ALK: variants seen among roughly 807,000 people sequenced by gnomAD.
The protein encoded by ALK is ALK tyrosine kinase receptor.
A neutral mutation model predicts 163.1 loss-of-function variants in ALK; 74 were observed. That is an observed-to-expected ratio of 0.45 (90% CI 0.38 to 0.55). The LOEUF (loss-of-function observed/expected upper bound fraction) is 0.55. Among genes scored for constraint, ALK ranks in the 20% least tolerant of loss-of-function variants. ALK has a pLI of 0.00. For missense variants in ALK, 2,063 were observed against 2,105.3 expected (o/e 0.98, Z 0.39); for synonymous variants, 960 against 843.2 (o/e 1.14, Z -2.40).
At chr2:29,325,195 C>T (rs1667216122) in intron 6 of ALK, among the ~76,000 whole-genome samples, 1 of 152,086 alleles carries the variant, frequency 6.6e-6, no homozygotes, top group Admixed American at 6.5e-5. Context: ...CAGGAAGGTT[C>T]TTTAGAGGAC....
At chr2:29,493,430 C>T (rs2148126421) in intron 4 of ALK, among the ~76,000 whole-genome samples, 1 of 152,308 alleles carries the variant, frequency 6.6e-6, no homozygotes. Context: ...TGTCCCATAA[C>T]AGAATGAGCT....
chr2:29,558,894 G>C (rs907532782), intron 3 of ALK, among the ~76,000 whole-genome samples: 1 of 152,130 alleles, frequency 6.6e-6, no homozygotes, highest in Non-Finnish European at 1.5e-5. Flanking sequence ...AGGGACTATA[G>C]GGGTTTAGAA....
intron 7 of ALK, among the ~76,000 whole-genome samples, chr2:29,320,177 C>T (rs1358376156): frequency 1.3e-5 from 2 of 152,248 alleles, no homozygotes; most frequent in African/African-American, 4.8e-5. Flanking sequence ...CGTGGAGGCC[C>T]TTTGCTCTCT....
intron 4 of ALK, among the ~76,000 whole-genome samples, chr2:29,423,719 G>A (rs1670072788): frequency 6.6e-6 from 1 of 152,182 alleles, no homozygotes; most frequent in African/African-American, 2.4e-5. Flanking sequence ...AATTAAGAAG[G>A]GGTGAATAAC....
intron 1 of ALK, among the ~76,000 whole-genome samples, chr2:29,900,308 C>T (rs866249916): frequency 6.6e-6 from 1 of 151,928 alleles, no homozygotes; most frequent in Non-Finnish European, 1.5e-5. Flanking sequence ...AACAGGGAGC[C>T]CTGGACACTC....
chr2:29,413,692 C>T lies in ALK; in HGVS notation c.1155-29833G>A, dbSNP rs531877602. On this transcript the variant is annotated intron_variant, in intron 4 of 28. Transcript: ENST00000389048. The stretch of plus-strand genomic sequence containing the variant: ...GACTACAGGCACCCTCCACCATGCC[C>T]GGCTAATTTTTTATATATTTAGTAG... Among the ~76,000 whole-genome samples the T allele has an allele frequency of 5.8e-4, 88 of 152,198 alleles. 1 individual carries two copies. Among genetic ancestry groups the T allele is most frequent in the African/African-American group, 2.0e-3 (82 of 41,520 alleles).
At chr2:29,534,397 T>C (rs1015681699) in intron 3 of ALK, among the ~76,000 whole-genome samples, 2 of 152,224 alleles carry the variant, frequency 1.3e-5, no homozygotes, top group African/African-American at 4.8e-5. Context: ...AGTGTGTATC[T>C]GTGCAGAGCA....
intron 12 of ALK, among the ~76,000 whole-genome samples, chr2:29,249,535 A>C (rs1558637685): frequency 6.6e-6 from 1 of 151,980 alleles, no homozygotes; most frequent in Admixed American, 6.6e-5. Context: ...TAGAAACAAC[A>C]CAGACTTTGA....
intron 4 of ALK, among the ~76,000 whole-genome samples, chr2:29,432,476 A>G (rs1291286216): frequency 2.0e-5 from 3 of 152,204 alleles, no homozygotes; most frequent in Non-Finnish European, 4.4e-5. Flanking sequence ...CCCTTGAGCC[A>G]AATAAAGCCC....
At chr2:29,307,069 T>C (rs2148239217) in intron 8 of ALK, among the ~76,000 whole-genome samples, 1 of 152,382 alleles carries the variant, frequency 6.6e-6, no homozygotes, top group African/African-American at 2.4e-5. Flanking sequence ...CTATTATTTC[T>C]CTCATGGCCC....
chr2:29,557,962 TA>T (rs1209059903), intron 3 of ALK, among the ~76,000 whole-genome samples: 1 of 152,196 alleles, frequency 6.6e-6, no homozygotes, highest in African/African-American at 2.4e-5. Flanking sequence ...TTAAATCCTC[TA>T]TTGAGATGAA....
chr2:29,523,774 A>C lies in ALK; in HGVS notation c.1154+8141T>G, dbSNP rs76997754. On this transcript the variant is annotated intron_variant, in intron 4 of 28. Coordinates refer to ENST00000389048, the MANE Select transcript of ALK (RefSeq NM_004304.5). ...CATCAAACATCCAGGGCAGAGTGAG[A>C]AAGCAAAAGCAGCAGCTCAAAAGAG... 7.8e-3 allele frequency among the ~76,000 whole-genome samples: 1,186 copies of C among 152,054 alleles called. 19 individuals are homozygous for C. Among genetic ancestry groups the C allele is most frequent in the African/African-American group, 0.028 (1,151 of 41,468 alleles).
chr2:29,505,695 C>T (rs1156483804), intron 4 of ALK, among the ~76,000 whole-genome samples: 1 of 151,824 alleles, frequency 6.6e-6, no homozygotes, highest in Non-Finnish European at 1.5e-5. Flanking sequence ...GCAGGGCAGC[C>T]CAGGGCAGCC....
At chr2:29,519,689 C>T (rs1672761839) in intron 4 of ALK, among the ~76,000 whole-genome samples, 1 of 152,170 alleles carries the variant, frequency 6.6e-6, no homozygotes, top group Admixed American at 6.5e-5. Flanking sequence ...TCATCTGGAT[C>T]TACTGAGAGG....
chr2:29,667,870 C>A (rs956626534), intron 3 of ALK, among the ~76,000 whole-genome samples: 1 of 152,020 alleles, frequency 6.6e-6, no homozygotes, highest in African/African-American at 2.4e-5. Flanking sequence ...GGTATTAATT[C>A]TTCTCTAAAT....
chr2:29,437,086 G>T (rs776608886), intron 4 of ALK, among the ~76,000 whole-genome samples: 5 of 152,172 alleles, frequency 3.3e-5, no homozygotes, highest in Non-Finnish European at 7.3e-5. Context: ...TCTAATGGTG[G>T]CCTCTTAGAA....
intron 1 of ALK, among the ~76,000 whole-genome samples, chr2:29,900,125 C>T (rs1667375599): frequency 6.6e-6 from 1 of 152,272 alleles, no homozygotes; most frequent in African/African-American, 2.4e-5. Flanking sequence ...CGCCAATTTC[C>T]CTGTCTTGCC....
At chr2:29,811,599 G>A (rs996837772) in intron 1 of ALK, among the ~76,000 whole-genome samples, 5 of 152,084 alleles carry the variant, frequency 3.3e-5, no homozygotes, top group Non-Finnish European at 5.9e-5. Flanking sequence ...AAATATTCCC[G>A]TGCTCCTAAC....
intron 25 of ALK, among the ~76,000 whole-genome samples, chr2:29,207,503 A>G (rs1193760418): frequency 6.6e-6 from 1 of 152,254 alleles, no homozygotes; most frequent in Non-Finnish European, 1.5e-5. Flanking sequence ...CATGAGAGGA[A>G]TGATCTATGC....
Sources: gnomAD v4.1 joint callset for allele counts (sites outside exome capture counted in the v4.1 genomes callset) on GRCh38, gnomAD v4.1.1 for gene constraint, MANE v1.5 for transcripts, NCBI Gene and HGNC (gene_info 2026-07-23, HGNC 2026-07-21) for gene names.